The following HS3ST2 variants were observed in gnomAD, a reference collection of about 807,000 sequenced individuals.
The protein encoded by HS3ST2 is heparan sulfate-glucosamine 3-sulfotransferase 2.
A neutral mutation model predicts 26.3 loss-of-function variants in HS3ST2; 17 were observed. The observed-to-expected ratio is 0.65, with a 90% CI of 0.44 to 0.97. The LOEUF is 0.97. Ranked by LOEUF, HS3ST2 falls within the 50% of genes least tolerant of loss-of-function variation. The probability of loss-of-function intolerance (pLI) is 0.00; values close to 1 mark genes in which losing one functional copy is unlikely to be tolerated. For synonymous variants in HS3ST2, 237 were observed against 219.2 expected (o/e 1.08, Z -0.72); for missense variants, 402 against 501.2 (o/e 0.80, Z 1.89).
intron 1 of HS3ST2, among the ~76,000 whole-genome samples, chr16:22,849,646 A>T (rs1901492203): frequency 6.6e-6 from 1 of 152,172 alleles, no homozygotes; most frequent in South Asian, 2.1e-4. Context: ...TAAGGTCATC[A>T]CAGAAAAAGA....
At chr16:22,901,154 G>A (rs1902278022) in intron 1 of HS3ST2, among the ~76,000 whole-genome samples, 1 of 152,206 alleles carries the variant, frequency 6.6e-6, no homozygotes, top group Non-Finnish European at 1.5e-5. Context: ...CATTGCAGGT[G>A]AAGAAACTAA....
chr16:22,847,951 G>A (rs1901466114), intron 1 of HS3ST2, among the ~76,000 whole-genome samples: 1 of 147,898 alleles, frequency 6.8e-6, no homozygotes, highest in African/African-American at 2.5e-5. Flanking sequence ...AGGAGGGAGG[G>A]AAGAAAAGAA....
intron 1 of HS3ST2, among the ~76,000 whole-genome samples, chr16:22,893,920 G>A (rs1184854073): frequency 2.0e-5 from 3 of 152,018 alleles, no homozygotes; most frequent in Non-Finnish European, 4.4e-5. Flanking sequence ...CCAAGCAGCT[G>A]GGACCACAGG....
At position 22,908,293 on chromosome 16, in the gene HS3ST2, G is replaced by C. The variant is rs1902380518; in HGVS notation, c.486-6651G>C. Among the ~76,000 whole-genome samples the C allele has an allele frequency of 2.0e-5, 3 of 152,088 alleles. No individual in the cohort carries two copies. The South Asian group carries it at 6.2e-4, about 32-fold the overall frequency. ...TTTAAACTTCAAAGATACCGATAAA[G>C]ATCTTACTTGTGCCATGGATTGTGG... On this transcript the variant is annotated intron_variant, in intron 1 of 1. Transcript: ENST00000261374.
At chr16:22,893,782 G>A (rs564190177) in intron 1 of HS3ST2, among the ~76,000 whole-genome samples, 69 of 151,672 alleles carry the variant, frequency 4.5e-4, no homozygotes, top group African/African-American at 1.6e-3. Context: ...CATGGACACA[G>A]GGAGGGGAAT....
Position 22,915,224 on chromosome 16 carries a change from C to T in HS3ST2, c.766C>T (p.His256Tyr), listed in dbSNP as rs1212707104. 1.2e-6 allele frequency: 2 copies of T among 1,614,024 alleles called. No individual in the cohort carries two copies. Among genetic ancestry groups the T allele is most frequent in the Non-Finnish European group, 1.7e-6 (2 of 1,180,040 alleles). ...CATCCGCATCGGCATGTACGTGCTGCACCTGGAGAGCTGGCTGCAGTACTT... is the reference window on the plus strand; with the variant it reads ...CATCCGCATCGGCATGTACGTGCTGTACCTGGAGAGCTGGCTGCAGTACTT... ...NAIRIGMYVL[H>Y]LESWLQYFPL... The change falls in exon 2 of 2, where the codon CAC becomes TAC. Residue 256 changes from histidine to tyrosine, a missense_variant. His to Tyr is a moderately conservative substitution (Grantham distance 83, BLOSUM62 2). Transcript: ENST00000261374.
intron 1 of HS3ST2, among the ~76,000 whole-genome samples, chr16:22,819,039 A>C (rs139799947): frequency 0.13 from 419 of 3,210 alleles, no homozygotes; most frequent in Middle Eastern, 0.5. Context: ...TCCTTCCTTC[A>C]TTCCTTCCTT....
At chr16:22,882,878 A>G (rs183966683) in intron 1 of HS3ST2, among the ~76,000 whole-genome samples, 1 of 151,790 alleles carries the variant, frequency 6.6e-6, no homozygotes, top group African/African-American at 2.4e-5. Flanking sequence ...TAAAAACACA[A>G]AAGTTAGCCA....
intron 1 of HS3ST2, among the ~76,000 whole-genome samples, chr16:22,894,619 C>A (rs1054973917): frequency 6.6e-6 from 1 of 151,962 alleles, no homozygotes; most frequent in Admixed American, 6.6e-5. Context: ...GCCTCAGGGC[C>A]GGGTGCAGTG....
intron 1 of HS3ST2, among the ~76,000 whole-genome samples, chr16:22,898,988 C>T (rs983490189): frequency 2.0e-5 from 3 of 152,216 alleles, no homozygotes; most frequent in African/African-American, 7.2e-5. Context: ...ATTGGATCAC[C>T]TCCAACTACC....
chr16:22,843,101 C>T (rs1234996904), intron 1 of HS3ST2, among the ~76,000 whole-genome samples: 3 of 151,572 alleles, frequency 2.0e-5, no homozygotes, highest in Non-Finnish European at 2.9e-5. Flanking sequence ...TTCTTCTACT[C>T]TCACACTGCA....
rs367674611 is a variant in HS3ST2 at position 22,831,283 on chromosome 16, T to C, written c.485+16188T>C. The stretch of plus-strand genomic sequence containing the variant: ...ACATCTTGGGAAATGCCCACTAAGA[T>C]TCTCCCTGCTTTGATGGAACTATAT... On this transcript the variant is annotated intron_variant, in intron 1 of 1. Coordinates refer to ENST00000261374, the MANE Select transcript of HS3ST2 (RefSeq NM_006043.2). Among the ~76,000 whole-genome samples the C allele has an allele frequency of 4.6e-5, 7 of 152,360 alleles. No homozygotes were observed. The East Asian group carries it at 1.2e-3, about 25-fold the overall frequency.
At chr16:22,849,990 G>C (rs1901495685) in intron 1 of HS3ST2, among the ~76,000 whole-genome samples, 1 of 152,098 alleles carries the variant, frequency 6.6e-6, no homozygotes, top group African/African-American at 2.4e-5. Context: ...CCGCTCCTGG[G>C]GCTGGGTATG....
intron 1 of HS3ST2, among the ~76,000 whole-genome samples, chr16:22,907,405 T>C (rs1902370072): frequency 2.0e-5 from 3 of 152,122 alleles, no homozygotes. Flanking sequence ...AAATGCAGAA[T>C]GAATTGAAAT....
chr16:22,824,995 G>C (rs2141175930), intron 1 of HS3ST2, among the ~76,000 whole-genome samples: 1 of 151,220 alleles, frequency 6.6e-6, no homozygotes, highest in East Asian at 1.9e-4. Flanking sequence ...GATCTTATTG[G>C]AGAGAGAGAG....
chr16:22,908,332 T>A (rs552704073), intron 1 of HS3ST2, among the ~76,000 whole-genome samples: 26 of 152,278 alleles, frequency 1.7e-4, no homozygotes, highest in Middle Eastern at 3.4e-3. Flanking sequence ...ACTCGGGAGA[T>A]ACAGCTGCAA....
intron 1 of HS3ST2, among the ~76,000 whole-genome samples, chr16:22,874,144 A>G (rs1901877436): frequency 6.6e-6 from 1 of 152,190 alleles, no homozygotes; most frequent in African/African-American, 2.4e-5. Flanking sequence ...TCATGTAGCC[A>G]TTTTTGCAAA....
At chr16:22,827,683 G>A (rs1407237582) in intron 1 of HS3ST2, among the ~76,000 whole-genome samples, 1 of 150,690 alleles carries the variant, frequency 6.6e-6, no homozygotes, top group East Asian at 2.0e-4. Context: ...TGAGGTTGAT[G>A]ATGTGATAGT....
At chr16:22,828,538 T>C (rs1901123348) in intron 1 of HS3ST2, among the ~76,000 whole-genome samples, 2 of 152,220 alleles carry the variant, frequency 1.3e-5, no homozygotes, top group Admixed American at 1.3e-4. Flanking sequence ...TGGGGAAATG[T>C]TCTCTGCCTT....
Sources: allele counts gnomAD v4.1 joint callset (sites outside exome capture counted in the v4.1 genomes callset), GRCh38; gene constraint gnomAD v4.1.1; transcripts MANE v1.5; gene names NCBI Gene and HGNC (gene_info 2026-07-23, HGNC 2026-07-21).